Variants in EFCAB8 observed in about 807,000 individuals in gnomAD.
EFCAB8 encodes EF-hand calcium binding domain 8, also known as EF-hand calcium-binding domain-containing protein 8.
EFCAB8 carries 100 observed loss-of-function variants against 116.3 expected under a neutral mutation model. The observed-to-expected ratio is 0.86, with a 90% CI of 0.73 to 1.02. The LOEUF is 1.02. Among genes scored for constraint, EFCAB8 ranks in the 50% least tolerant of loss-of-function variants. EFCAB8 has a pLI of 0.00. For missense variants in EFCAB8, 1,320 were observed against 1,416.9 expected, an observed-to-expected ratio of 0.93 and a Z score of 1.10; for synonymous variants, 558 against 567.9, an observed-to-expected ratio of 0.98 and a Z score of 0.25.
intron 11 of EFCAB8, 25 bp from the exon 12 acceptor site, chr20:32,906,537 A>G: frequency 1.4e-6 from 1 of 718,358 alleles, no homozygotes; most frequent in East Asian, 2.7e-5. Context: ...CCGGCCCTGC[A>G]GCCCTCACTC....
At chr20:32,874,701 A>G (rs934004229) in intron 3 of EFCAB8, among the ~76,000 whole-genome samples, 4 of 145,074 alleles carry the variant, frequency 2.8e-5, no homozygotes, top group East Asian at 4.1e-4. Flanking sequence ...GCCACCAAAC[A>G]TGGCTAATTT....
chr20:32,898,709 A>T (rs1168632630), intron 11 of EFCAB8, 86 bp downstream of exon 11: 1 of 682,466 alleles, frequency 1.5e-6, no homozygotes, highest in African/African-American at 1.8e-5. Context: ...ACAGTGGCAG[A>T]TGGTGGTTGG....
intron 9 of EFCAB8, among the ~76,000 whole-genome samples, chr20:32,895,756 A>G (rs1986129483): frequency 2.6e-5 from 4 of 151,786 alleles, no homozygotes; most frequent in Admixed American, 2.6e-4. Flanking sequence ...ATTTTTGTAA[A>G]GACAGGGTTT....
chr20:32,960,388 G>T (rs1355267987), intron 26 of EFCAB8, among the ~76,000 whole-genome samples: 1 of 152,212 alleles, frequency 6.6e-6, no homozygotes, highest in Non-Finnish European at 1.5e-5. Context: ...TTGTCCTTGA[G>T]GACAAGCCTC....
intron 5 of EFCAB8, among the ~76,000 whole-genome samples, chr20:32,883,697 T>C (rs989294988): frequency 3.4e-5 from 5 of 146,022 alleles, no homozygotes; most frequent in Non-Finnish European, 3.0e-5. Flanking sequence ...GGTCTATTTC[T>C]TTTTTTTTTT....
rs1486916805 is a variant in EFCAB8, at chr20:32,930,579, G to A, written c.2594G>A (p.Trp865Ter). 1 of 1,552,314 alleles carries A rather than the reference G, an allele frequency of 6.4e-7. No homozygotes were observed. Among genetic ancestry groups the A allele is most frequent in the Admixed American group, 2.0e-5 (1 of 51,016 alleles). The change falls in exon 21 of 27, where the codon TGG becomes TAG. Residue 865 changes from tryptophan to a stop codon, truncating the protein, a stop_gained. Coordinates refer to ENST00000400522, the MANE Select transcript of EFCAB8 (RefSeq NM_001143967.2). LOFTEE classifies it high-confidence loss of function. ...GCCATGGCCACTGATAAAAATGACTGGATCCTCATCACGGGGGATTGTAAA... is the reference window on the plus strand; with the variant it reads ...GCCATGGCCACTGATAAAAATGACTAGATCCTCATCACGGGGGATTGTAAA... ...VGAMATDKND[W>*]ILITGDCKGY...
chr20:32,908,817 G>A (rs570894279), intron 14 of EFCAB8, among the ~76,000 whole-genome samples: 1 of 152,290 alleles, frequency 6.6e-6, no homozygotes, highest in East Asian at 1.9e-4. Flanking sequence ...TGAACTTTGG[G>A]AAACAGGGGC....
intron 16 of EFCAB8, 42 bp downstream of exon 16, chr20:32,911,749 G>T: frequency 6.5e-7 from 1 of 1,537,028 alleles, no homozygotes; most frequent in South Asian, 1.2e-5. Flanking sequence ...CGGCCTCTTG[G>T]GAAGCAAAGC....
Position 32,874,186 on chromosome 20 carries a change from A to T in EFCAB8, c.209-1740A>T, listed in dbSNP as rs150854962. Among the ~76,000 whole-genome samples, 412 of 151,690 alleles carry T rather than the reference A, an allele frequency of 2.7e-3. 4 individuals carry two copies. Among genetic ancestry groups the T allele is most frequent in the African/African-American group, 9.6e-3 (395 of 41,226 alleles). On this transcript the variant is annotated intron_variant, in intron 3 of 26. Transcript: ENST00000400522. ...TCTGCCCACCTCAGCCTCCCAAAGT[A>T]CTGGGATTATAGGTGTGAACACTTG...
intron 10 of EFCAB8, among the ~76,000 whole-genome samples, chr20:32,898,007 C>T (rs752315779): frequency 8.5e-5 from 13 of 152,220 alleles, no homozygotes; most frequent in African/African-American, 1.7e-4. Context: ...CCTTCGACTG[C>T]GCGTCATCTT....
At chr20:32,947,997 C>T (rs1988657423) in intron 23 of EFCAB8, among the ~76,000 whole-genome samples, 1 of 150,670 alleles carries the variant, frequency 6.6e-6, no homozygotes, top group East Asian at 1.9e-4. Context: ...GAATGGAAAT[C>T]GATGAAACAG....
chr20:32,939,764 G>T (rs1349042984), intron 22 of EFCAB8, among the ~76,000 whole-genome samples: 2 of 136,204 alleles, frequency 1.5e-5, no homozygotes, highest in Non-Finnish European at 3.2e-5. Flanking sequence ...GCGCCACCTC[G>T]GTTCACTGCA....
At chr20:32,895,134 A>G (rs543242009) in intron 9 of EFCAB8, among the ~76,000 whole-genome samples, 19 of 152,058 alleles carry the variant, frequency 1.2e-4, no homozygotes, top group African/African-American at 3.6e-4. Context: ...CGGAGGACCC[A>G]TGTTTGTCCC....
intron 24 of EFCAB8, among the ~76,000 whole-genome samples, chr20:32,959,525 G>A (rs927251395): frequency 2.6e-5 from 4 of 152,190 alleles, no homozygotes; most frequent in East Asian, 1.9e-4. Flanking sequence ...AAGCCAGATC[G>A]GGTGTCAGGT....
intron 20 of EFCAB8, among the ~76,000 whole-genome samples, chr20:32,929,451 T>C (rs901025314): frequency 6.7e-6 from 1 of 149,322 alleles, no homozygotes; most frequent in African/African-American, 2.5e-5. Context: ...CTTTTCTTTT[T>C]TCTCCCTTCC....
chr20:32,925,068 G>A (rs1376674003), intron 20 of EFCAB8, among the ~76,000 whole-genome samples: 2 of 152,094 alleles, frequency 1.3e-5, no homozygotes, highest in Non-Finnish European at 2.9e-5. Context: ...ACAGGGAGTG[G>A]GTGGGGGTCT....
chr20:32,888,844 A>G (rs948429424), intron 6 of EFCAB8, among the ~76,000 whole-genome samples: 3 of 152,022 alleles, frequency 2.0e-5, no homozygotes, highest in African/African-American at 7.3e-5. Context: ...CTGTTGCTCT[A>G]ATAGCAGCTG....
At chr20:32,870,849 ACTT>A (rs1219908015) in intron 3 of EFCAB8, among the ~76,000 whole-genome samples, 35 of 136,586 alleles carry the variant, frequency 2.6e-4, no homozygotes, top group African/African-American at 8.3e-4. Context: ...AGTCATTTCT[ACTT>A]CTTCTTCTTT....
chr20:32,917,064 A>G, intron 17 of EFCAB8: 1 of 527,460 alleles, frequency 1.9e-6, no homozygotes. Flanking sequence ...TGTATTACAC[A>G]TTGACTATCT....
Sources: gnomAD v4.1 joint callset for allele counts (sites outside exome capture counted in the v4.1 genomes callset) on GRCh38, gnomAD v4.1.1 for gene constraint, MANE v1.5 for transcripts, NCBI Gene and HGNC (gene_info 2026-07-23, HGNC 2026-07-21) for gene names.